The following TENT2 variants were observed in gnomAD, a reference collection of about 807,000 sequenced individuals.
TENT2 encodes terminal nucleotidyltransferase 2, also known as poly(A) RNA polymerase GLD2.
TENT2 carries 44 observed loss-of-function variants against 72.2 expected under a neutral mutation model. That is an observed-to-expected ratio of 0.61 (90% CI 0.48 to 0.78). TENT2 has a LOEUF of 0.78. Among genes scored for constraint, TENT2 ranks in the 30% least tolerant of loss-of-function variants. The pLI, the probability that TENT2 is intolerant of heterozygous loss-of-function variation, is 0.00. For synonymous variants in TENT2, 212 were observed against 192.5 expected, an observed-to-expected ratio of 1.10 and a Z score of -0.84; for missense variants, 541 against 569.6, an observed-to-expected ratio of 0.95 and a Z score of 0.51.
intron 12 of TENT2, 59 bp downstream of exon 12, chr5:79,669,087 T>A: frequency 6.5e-7 from 1 of 1,542,316 alleles, no homozygotes; most frequent in Non-Finnish European, 8.8e-7. Context: ...TGTATGTATG[T>A]ATATATATGA....
chr5:79,673,184 C>G lies in TENT2; in HGVS notation c.1208+4156C>G, dbSNP rs191901465. Among the ~76,000 whole-genome samples, 60 of 151,822 alleles carry G rather than the reference C, an allele frequency of 4.0e-4. No individual in the cohort carries two copies. The East Asian group carries it at 0.011, about 29-fold the overall frequency. ...GAGTTGTTTAAGCTCCTTATATATT[C>G]TGCCTATTAATCCTTTGTGAGATGA... is the stretch of plus-strand genomic sequence containing the variant. On this transcript the variant is annotated intron_variant, in intron 12 of 14. Coordinates refer to ENST00000453514, the MANE Select transcript of TENT2 (RefSeq NM_001114394.3).
At chr5:79,630,935 T>G (rs1774940216) in intron 4 of TENT2, among the ~76,000 whole-genome samples, 1 of 152,016 alleles carries the variant, frequency 6.6e-6, no homozygotes, top group Admixed American at 6.6e-5. Flanking sequence ...ACTGTAGTAT[T>G]TCAAGTGAGA....
intron 10 of TENT2, among the ~76,000 whole-genome samples, chr5:79,653,056 A>G (rs865789275): frequency 1.3e-5 from 2 of 152,174 alleles, no homozygotes; most frequent in African/African-American, 4.8e-5. Flanking sequence ...TTTAGCATAC[A>G]TGATCATCCA....
intron 4 of TENT2, 130 bp downstream of exon 4, chr5:79,623,619 CAGCCTAATTTT>C: frequency 3.7e-6 from 2 of 541,486 alleles, no homozygotes. Context: ...AAGTACTATT[CAGCCTAATTTT>C]CTGTCCAAAC....
intron 10 of TENT2, among the ~76,000 whole-genome samples, chr5:79,652,022 C>T (rs1794517228): frequency 6.6e-6 from 1 of 152,018 alleles, no homozygotes; most frequent in Non-Finnish European, 1.5e-5. Flanking sequence ...ATGGAATACA[C>T]AATCATGCTG....
rs541179772 is a variant in TENT2 at position 79,637,771 on chromosome 5, T to C, written c.466-3080T>C. 7.3e-5 allele frequency among the ~76,000 whole-genome samples: 11 copies of C among 151,014 alleles called. No individual in the cohort carries two copies. In the South Asian group the frequency reaches 1.0e-3, roughly 14 times the overall value. Reference sequence around the variant, plus strand: ...TGGAGAGGGTTGAGCAGGCTAGCTTTGTGGCTCTAGGACTTCTCCTCTTTT... The same window carrying C: ...TGGAGAGGGTTGAGCAGGCTAGCTTCGTGGCTCTAGGACTTCTCCTCTTTT... On this transcript the variant is annotated intron_variant, in intron 4 of 14. Coordinates refer to ENST00000453514, the MANE Select transcript of TENT2 (RefSeq NM_001114394.3).
At chr5:79,637,278 C>T (rs948235878) in intron 4 of TENT2, among the ~76,000 whole-genome samples, 15 of 152,106 alleles carry the variant, frequency 9.9e-5, no homozygotes, top group African/African-American at 3.6e-4. Flanking sequence ...CTTACAAATA[C>T]TTTGTATGGG....
chr5:79,639,749 A>G (rs1001523258), intron 4 of TENT2, among the ~76,000 whole-genome samples: 2 of 152,192 alleles, frequency 1.3e-5, no homozygotes, highest in African/African-American at 4.8e-5. Flanking sequence ...AAGCCAAGAT[A>G]TTATATTGGA....
At chr5:79,657,398 G>A (rs1173520451) in intron 11 of TENT2, among the ~76,000 whole-genome samples, 1 of 152,018 alleles carries the variant, frequency 6.6e-6, no homozygotes, top group Non-Finnish European at 1.5e-5. Flanking sequence ...ACTTTGAAAA[G>A]CAGGGGGAAA....
chr5:79,642,296 G>T (rs1221846345), intron 6 of TENT2, among the ~76,000 whole-genome samples: 1 of 151,914 alleles, frequency 6.6e-6, no homozygotes, highest in East Asian at 1.9e-4. Flanking sequence ...TAAAGAGAAA[G>T]TTTAAAAAAA....
At chr5:79,669,780 G>C (rs184064303) in intron 12 of TENT2, among the ~76,000 whole-genome samples, 1 of 151,356 alleles carries the variant, frequency 6.6e-6, no homozygotes, top group Non-Finnish European at 1.5e-5. Flanking sequence ...ATGGGAAAAT[G>C]GTTCTAAACA....
intron 10 of TENT2, among the ~76,000 whole-genome samples, chr5:79,653,310 C>A (rs1344888889): frequency 6.6e-6 from 1 of 151,848 alleles, no homozygotes; most frequent in Non-Finnish European, 1.5e-5. Flanking sequence ...TATAGTGAGA[C>A]TCCTCCATCT....
chr5:79,673,434 T>C (rs1444320050), intron 12 of TENT2, among the ~76,000 whole-genome samples: 1 of 152,154 alleles, frequency 6.6e-6, no homozygotes, highest in Non-Finnish European at 1.5e-5. Context: ...AGGTCTTAGA[T>C]TGAATTCTTC....
At chr5:79,668,572 T>C (rs1810379275) in intron 11 of TENT2, 2 of 190,960 alleles carry the variant, frequency 1.0e-5, no homozygotes, top group Non-Finnish European at 2.2e-5. Context: ...AAGAAATCTA[T>C]ATGGTATTGG....
chr5:79,688,179 C>T lies in TENT2; in HGVS notation c.*2906C>T, dbSNP rs141357772. 9.2e-5 allele frequency among the ~76,000 whole-genome samples: 14 copies of T among 152,334 alleles called. No individual in the cohort carries two copies. The highest frequency in any genetic ancestry group is 2.9e-4 in the African/African-American group (12 of 41,580). ...TAACTGGTGAATAATCCCCAGCTTA[C>T]AGTCATATTTAACAACTCTGTGACT... On this transcript the variant is annotated 3_prime_UTR_variant, in exon 15 of 15. Transcript: ENST00000453514.
chr5:79,644,847 T>A (rs1787543685), intron 7 of TENT2: 1 of 269,938 alleles, frequency 3.7e-6, no homozygotes, highest in Non-Finnish European at 6.9e-6. Context: ...CTAGCCTAGA[T>A]ATATTTTCAC....
At chr5:79,656,329 T>G (rs12519470) in intron 10 of TENT2, among the ~76,000 whole-genome samples, 5,442 of 152,038 alleles carry the variant, frequency 0.036, 151 homozygotes, top group Admixed American at 0.074. Context: ...TTGTATGAAA[T>G]TTTATTAATA....
Position 79,682,904 on chromosome 5 carries a change from T to C in TENT2, c.1380+843T>C, listed in dbSNP as rs566408188. On this transcript the variant is annotated intron_variant, in intron 14 of 14. Transcript: ENST00000453514. The stretch of plus-strand genomic sequence containing the variant: ...CACATTGTAGAAATGCCTTGATATA[T>C]GTATTGAGACATGGAGGGGAGGGAA... Among the ~76,000 whole-genome samples, 12 of 152,308 alleles carry C rather than the reference T, an allele frequency of 7.9e-5. No individual in the cohort carries two copies. In the South Asian group the frequency reaches 2.3e-3, roughly 29 times the overall value.
chr5:79,638,034 G>A (rs1401618420), intron 4 of TENT2, among the ~76,000 whole-genome samples: 1 of 151,880 alleles, frequency 6.6e-6, no homozygotes, highest in African/African-American at 2.4e-5. Context: ...TCTTGACCTC[G>A]TGATCTGCCT....
Sources: gnomAD v4.1 joint callset for allele counts (sites outside exome capture counted in the v4.1 genomes callset) on GRCh38, gnomAD v4.1.1 for gene constraint, MANE v1.5 for transcripts, NCBI Gene and HGNC (gene_info 2026-07-23, HGNC 2026-07-21) for gene names.